REL: variants seen among roughly 807,000 people sequenced by gnomAD.
REL encodes proto-oncogene c-Rel.
REL carries 15 observed loss-of-function variants against 45.9 expected under a neutral mutation model. That is an observed-to-expected ratio of 0.33 (90% CI 0.22 to 0.50). The LOEUF (loss-of-function observed/expected upper bound fraction) is 0.50, where lower values mean the gene tolerates loss of function less well. REL is among the 20% of genes least tolerant of loss of function. The pLI is 0.98. For missense variants in REL, 601 were observed against 715.2 expected (o/e 0.84, Z 1.82); for synonymous variants, 239 against 242.1 (o/e 0.99, Z 0.12).
rs546401855 is a variant in REL, at chr2:60,907,815, C to T, written c.394+6732C>T. Among the ~76,000 whole-genome samples, 164 of 151,770 alleles carry T rather than the reference C, an allele frequency of 1.1e-3. 1 individual carries two copies. The highest frequency in any genetic ancestry group is 6.8e-3 in the Middle Eastern group (2 of 294). On this transcript the variant is annotated intron_variant, in intron 4 of 9. Coordinates refer to ENST00000394479, the MANE Select transcript of REL (RefSeq NM_001291746.2). ...ACACCATTCTCCTGCCTCAGCCTCC[C>T]GAGTAGCTAGGACTACAGGTGCCCG... is the stretch of plus-strand genomic sequence containing the variant.
intron 1 of REL, among the ~76,000 whole-genome samples, chr2:60,889,734 C>T (rs1573313317): frequency 6.6e-6 from 1 of 151,558 alleles, no homozygotes; most frequent in Admixed American, 6.6e-5. Context: ...TTTGTCCTCA[C>T]GATAGTTTCC....
intron 5 of REL, among the ~76,000 whole-genome samples, chr2:60,917,857 A>G (rs895029861): frequency 1.3e-5 from 2 of 152,088 alleles, no homozygotes; most frequent in Non-Finnish European, 2.9e-5. Context: ...ATGTATTGCC[A>G]TAGGGAAAAT....
chr2:60,921,653 C>T, intron 9 of REL, 110 bp from the exon 10 acceptor site: 20 of 922,452 alleles, frequency 2.2e-5, no homozygotes, highest in South Asian at 3.9e-5. Context: ...CATTGGTTTC[C>T]TTGACATTTT....
In REL at chr2:60,891,703, G is replaced by C. The variant is rs1673220418; in HGVS notation, c.31G>C (p.Glu11Gln). 1 of 1,613,604 alleles carries C rather than the reference G, an allele frequency of 6.2e-7. No homozygotes were observed. MASGAYNPYI[E>Q]IIEQPRQRGM... ...TTCAGGTGCGTATAACCCGTATATA[G>C]AGATAATTGAACAACCCAGGCAGAG... is the stretch of plus-strand genomic sequence containing the variant. Residue 11 changes from glutamate to glutamine, a missense_variant, in exon 2 of 10, where the codon GAG (glutamate) becomes CAG (glutamine). Physicochemically the swap from Glu to Gln is conservative, Grantham distance 29 (BLOSUM62 2). Around this residue, in one of 4 missense-constraint regions of REL, gnomAD observed 24 missense variants for 18.2 expected, o/e 1.32. Transcript: ENST00000394479.
At chr2:60,916,806 G>T in intron 4 of REL, 71 bp from the exon 5 acceptor site, 2 of 1,036,468 alleles carry the variant, frequency 1.9e-6, no homozygotes, top group East Asian at 2.5e-5. Flanking sequence ...ATAATGGGCA[G>T]GGAGGAGGAC....
At position 60,889,506 on chromosome 2, in the gene REL, C is replaced by T. The variant is rs138237471; in HGVS notation, c.11-2177C>T. Among the ~76,000 whole-genome samples the T allele has an allele frequency of 4.3e-4, 66 of 152,032 alleles. 1 individual carries two copies. Among genetic ancestry groups the T allele is most frequent in the African/African-American group, 1.5e-3 (63 of 41,418 alleles). ...CACTTTAAGTTTTAGGGTACATGTACACATCGTGCGGCTTTGTTACATATG... is the reference window on the plus strand; with the variant it reads ...CACTTTAAGTTTTAGGGTACATGTATACATCGTGCGGCTTTGTTACATATG... On this transcript the variant is annotated intron_variant, in intron 1 of 9. Transcript: ENST00000394479.
intron 4 of REL, among the ~76,000 whole-genome samples, chr2:60,914,178 A>G (rs1199970789): frequency 2.6e-5 from 4 of 152,224 alleles, no homozygotes; most frequent in Admixed American, 2.6e-4. Context: ...GAGAGGAGAA[A>G]TATTCCCTCC....
rs1200642412 is a variant in REL, at chr2:60,920,120, T to A, written c.922+11T>A. 6.4e-7 allele frequency: 1 copy of A among 1,563,892 alleles called. No homozygotes were observed. The highest frequency in any genetic ancestry group is 8.7e-7 in the Non-Finnish European group (1 of 1,143,170). Reference sequence around the variant, plus strand: ...TGTGCCAGGATCACGGTAAGAATAGTTTGGATCGATTCATATTTAAATAGG... The same window carrying A: ...TGTGCCAGGATCACGGTAAGAATAGATTGGATCGATTCATATTTAAATAGG... On this transcript the variant is annotated intron_variant, in intron 8 of 9. Transcript: ENST00000394479.
intron 3 of REL, chr2:60,899,104 G>T (rs1573323261): frequency 6.6e-6 from 1 of 152,168 alleles, no homozygotes; most frequent in South Asian, 2.1e-4. Context: ...CAAAGAAAAA[G>T]AATCAAACCA....
Position 60,926,934 on chromosome 2 carries a change from C to T in REL, c.*4399C>T, listed in dbSNP as rs78500882. On this transcript the variant is annotated 3_prime_UTR_variant, in exon 10 of 10. Coordinates refer to ENST00000394479, the MANE Select transcript of REL (RefSeq NM_001291746.2). ...GTTCTCCCTATTCCTTATTACATAG[C>T]TAGCATTCCTTGAAAAAAAACAATT... 672 of 224,642 alleles carry T rather than the reference C, an allele frequency of 3.0e-3. 9 individuals are homozygous for T. The highest frequency in any genetic ancestry group is 0.014 in the African/African-American group (633 of 44,940). The allele number at this position is 224,642 out of a possible 1,614,324, so 13.9% of individuals were successfully genotyped here. A position where few individuals can be genotyped will look rare whatever the true frequency, so the allele number is the denominator to read the frequency against.
chr2:60,881,672 G>A lies in REL; in HGVS notation c.-169G>A. 1 of 561,702 alleles carries A rather than the reference G, an allele frequency of 1.8e-6. No homozygotes were observed. The highest frequency in any genetic ancestry group is 3.1e-6 in the Non-Finnish European group (1 of 319,276). The allele number at this position is 561,702 out of a possible 1,614,324, so 34.8% of individuals were successfully genotyped here. ...GCAAGAATTCAGGGGTTGGGAAGGT[G>A]TGAGCCGCAAACCCAGCGGAGGGCG... is the stretch of plus-strand genomic sequence containing the variant. On this transcript the variant is annotated 5_prime_UTR_variant, in exon 1 of 10. The change creates a new upstream start codon in the 5' untranslated region. Transcript: ENST00000394479.
intron 4 of REL, among the ~76,000 whole-genome samples, chr2:60,914,569 C>T (rs1452883341): frequency 6.6e-6 from 1 of 152,028 alleles, no homozygotes; most frequent in Non-Finnish European, 1.5e-5. Flanking sequence ...AAAATCTACC[C>T]GAATATGTCC....
At chr2:60,894,938 C>T (rs1170070572) in intron 3 of REL, among the ~76,000 whole-genome samples, 1 of 148,860 alleles carries the variant, frequency 6.7e-6, no homozygotes, top group African/African-American at 2.5e-5. Context: ...CTCACTGCAA[C>T]CTCCACCTCC....
intron 2 of REL, 125 bp downstream of exon 2, chr2:60,891,950 T>G: frequency 5.5e-6 from 5 of 903,370 alleles, no homozygotes; most frequent in Non-Finnish European, 7.9e-6. Context: ...CTTTTTTCCT[T>G]TTTTTTTTTA....
At chr2:60,906,925 T>TTTTTTTC (rs1379444628) in intron 4 of REL, among the ~76,000 whole-genome samples, 4 of 144,850 alleles carry the variant, frequency 2.8e-5, no homozygotes, top group African/African-American at 1.0e-4. Flanking sequence ...TTTTTTTTTT[T>TTTTTTTC]TTTTCTTTTC....
At chr2:60,888,089 C>T (rs1473507630) in intron 1 of REL, among the ~76,000 whole-genome samples, 2 of 151,682 alleles carry the variant, frequency 1.3e-5, no homozygotes, top group Non-Finnish European at 2.9e-5. Flanking sequence ...CACCACATCC[C>T]GCTAATTTTT....
At chr2:60,912,464 G>A (rs771649096) in intron 4 of REL, among the ~76,000 whole-genome samples, 20 of 151,968 alleles carry the variant, frequency 1.3e-4, no homozygotes, top group Admixed American at 2.6e-4. Context: ...GTGTTGTTTC[G>A]CTTGAAGTTG....
intron 4 of REL, among the ~76,000 whole-genome samples, chr2:60,910,525 G>GTAA (rs547362365): frequency 7.8e-4 from 118 of 150,742 alleles, no homozygotes; most frequent in Non-Finnish European, 1.4e-3. Flanking sequence ...CAGGAGAACA[G>GTAA]TTATTACCTT....
At chr2:60,902,166 G>T (rs892621047) in intron 4 of REL, among the ~76,000 whole-genome samples, 3 of 152,244 alleles carry the variant, frequency 2.0e-5, no homozygotes, top group African/African-American at 7.2e-5. Context: ...TCCTTATACT[G>T]TTGGTTTGTA....
Sources: gnomAD v4.1 joint callset for allele counts (sites outside exome capture counted in the v4.1 genomes callset) on GRCh38, gnomAD v4.1.1 for gene constraint, gnomAD v4.1.1 regional missense constraint, MANE v1.5 for transcripts, NCBI Gene and HGNC (gene_info 2026-07-23, HGNC 2026-07-21) for gene names.